OCRL: variants seen among roughly 807,000 people sequenced by gnomAD.
OCRL encodes OCRL inositol polyphosphate-5-phosphatase.
A neutral mutation model predicts 78.9 loss-of-function variants in OCRL; 8 were observed. The ratio of observed to expected loss-of-function variants is 0.10; its 90% CI spans 0.06 to 0.18. OCRL has a LOEUF of 0.18. Ranked by LOEUF, OCRL falls within the 10% of genes least tolerant of loss-of-function variation. OCRL has a pLI of 1.00. For synonymous variants in OCRL, 240 were observed against 235.4 expected (o/e 1.02, Z -0.18); for missense variants, 454 against 696.7 (o/e 0.65, Z 3.92).
intron 13 of OCRL, among the ~76,000 whole-genome samples, chrX:129,566,590 A>G (rs1936219729): frequency 8.9e-6 from 1 of 112,396 alleles, no homozygotes; most frequent in African/African-American, 3.2e-5. Flanking sequence ...TTATTGAGGG[A>G]GGAAAATGTT....
chrX:129,547,512 A>C (rs753823097), intron 3 of OCRL, among the ~76,000 whole-genome samples: 4 of 97,228 alleles, frequency 4.1e-5, no homozygotes, highest in Non-Finnish European at 6.1e-5. Flanking sequence ...GTGACAGAGC[A>C]AGACTCCGTC....
chrX:129,552,032 A>G (rs867614021), intron 4 of OCRL, among the ~76,000 whole-genome samples: 2 of 111,993 alleles, frequency 1.8e-5, no homozygotes, highest in African/African-American at 6.5e-5. Flanking sequence ...GCTAGGGGGC[A>G]GATCTGGCAG....
chrX:129,582,854 G>A (rs770295206), intron 18 of OCRL, among the ~76,000 whole-genome samples: 63 of 111,615 alleles, frequency 5.6e-4, no homozygotes, highest in Non-Finnish European at 1.0e-3. Context: ...GGAATGCCAG[G>A]GAGCACATAC....
Position 129,590,185 on chromosome X carries a change from A to G in OCRL, c.2621A>G (p.Asn874Ser). The G allele has an allele frequency of 2.5e-6, 3 of 1,210,496 alleles. No homozygotes were observed. The highest frequency in any genetic ancestry group is 3.5e-5 in the South Asian group (2 of 56,920). The change falls in exon 24 of 24, where the codon AAC becomes AGC. Residue 874 changes from asparagine to serine, a missense_variant. By Grantham distance (46) the Asn-to-Ser change is conservative (BLOSUM62 1). Around this residue, in one of 2 missense-constraint regions of OCRL, gnomAD observed 277 missense variants for 517.1 expected, o/e 0.54. Transcript: ENST00000371113. Reference protein sequence around the residue: ...FTSLLLRPPPNLMARQTPSDR... With the variant: ...FTSLLLRPPPSLMARQTPSDR... Reference sequence around the variant, plus strand: ...AGTCTTCTCCTGAGGCCTCCACCCAACCTTATGGCAAGACAGACTCCAAGT... The same window carrying G: ...AGTCTTCTCCTGAGGCCTCCACCCAGCCTTATGGCAAGACAGACTCCAAGT...
Position 129,567,286 on chromosome X carries a change from T to C in OCRL, c.1389T>C (p.Phe463=). 1 of 1,209,394 alleles carries C rather than the reference T, an allele frequency of 8.3e-7. No homozygotes were observed. Among genetic ancestry groups the C allele is most frequent in the South Asian group, 1.8e-5 (1 of 56,909 alleles). ...TTCAGCGCACACAGAAAAAAGCTTT[T>C]GTTGACTTCAATGAAGGGGAAATCA... The part of the protein sequence containing the change: ...LNIQRTQKKA[F]VDFNEGEIKF... Residue 463 remains phenylalanine, a synonymous_variant, in exon 14 of 24, where the codon TTT becomes TTC. Transcript: ENST00000371113.
chrX:129,559,445 C>T (rs781425517), intron 8 of OCRL, among the ~76,000 whole-genome samples: 1 of 111,909 alleles, frequency 8.9e-6, no homozygotes, highest in South Asian at 3.7e-4. Context: ...GCAATCCACC[C>T]GCCTTGGCCT....
chrX:129,567,673 T>C (rs1936235272), intron 14 of OCRL, among the ~76,000 whole-genome samples: 1 of 111,108 alleles, frequency 9.0e-6, no homozygotes, highest in East Asian at 2.8e-4. Context: ...GATTTTGCCT[T>C]TGTTTCTTAC....
intron 2 of OCRL, among the ~76,000 whole-genome samples, chrX:129,541,497 G>A (rs1319714518): frequency 3.6e-5 from 4 of 112,007 alleles, no homozygotes; most frequent in African/African-American, 6.5e-5. Flanking sequence ...TAGGAGCTCC[G>A]TAAATACTGT....
chrX:129,585,147 T>G (rs1490057166), intron 19 of OCRL, among the ~76,000 whole-genome samples: 2 of 112,800 alleles, frequency 1.8e-5, no homozygotes, highest in Non-Finnish European at 3.7e-5. Context: ...TTTGTGAAAT[T>G]ATTCAAGTAT....
At chrX:129,558,485 C>T (rs891343735) in intron 6 of OCRL, 148 bp from the exon 7 acceptor site, 2 of 649,789 alleles carry the variant, frequency 3.1e-6, no homozygotes, top group African/African-American at 4.4e-5. Context: ...CTTCTTCGAA[C>T]TCCAATCCAA....
intron 20 of OCRL, 132 bp downstream of exon 20, chrX:129,587,250 CTGGG>C (rs1936525138): frequency 3.8e-6 from 2 of 527,490 alleles, no homozygotes; most frequent in East Asian, 3.4e-5. Context: ...GTCAGATCGA[CTGGG>C]TGGGTGGAAG....
chrX:129,589,545 G>A (rs969361795), intron 22 of OCRL: 16 of 345,479 alleles, frequency 4.6e-5, no homozygotes, highest in African/African-American at 2.1e-4. Context: ...ACATGCCTAC[G>A]GAAATGGGAA....
rs753323908 is a variant in OCRL, at chrX:129,567,494, C to T, written c.1466+131C>T. 5.3e-4 allele frequency: 256 copies of T among 485,235 alleles called. 1 individual carries two copies. Among genetic ancestry groups the T allele is most frequent in the African/African-American group, 2.3e-3 (96 of 41,621 alleles). 40.0% of individuals were successfully genotyped at this position (485,235 alleles called of 1,213,427 possible). A position where few individuals can be genotyped will look rare whatever the true frequency, so the allele number is the denominator to read the frequency against. On this transcript the variant is annotated intron_variant, in intron 14 of 23. Coordinates refer to ENST00000371113, the MANE Select transcript of OCRL (RefSeq NM_000276.4). ...GATATATAAACCTAATGGCTCAGTG[C>T]CTCAGTGCTATTATAGAACAATAAG...
chrX:129,581,125 A>G (rs1936434009), intron 18 of OCRL, among the ~76,000 whole-genome samples: 1 of 112,629 alleles, frequency 8.9e-6, no homozygotes, highest in South Asian at 3.6e-4. Flanking sequence ...TCAGCTTCCC[A>G]AGGTGCTGGG....
At chrX:129,558,588 T>C in intron 6 of OCRL, 45 bp from the exon 7 acceptor site, 1 of 1,202,351 alleles carries the variant, frequency 8.3e-7, no homozygotes, top group Non-Finnish European at 1.1e-6. Flanking sequence ...ATATGTTGGA[T>C]GTTAGATTTT....
intron 18 of OCRL, among the ~76,000 whole-genome samples, chrX:129,583,112 C>G (rs1470765037): frequency 1.8e-5 from 2 of 111,759 alleles, no homozygotes; most frequent in African/African-American, 6.5e-5. Context: ...GTAAATATTA[C>G]TATCCCTATT....
Position 129,589,015 on chromosome X carries a change from T to G in OCRL, c.2469+2T>G. On this transcript the variant is annotated splice_donor_variant, in intron 22 of 23. Transcript: ENST00000371113. LOFTEE classifies it high-confidence loss of function. ...TATGATCCCCGGATCTGCCGACAGG[T>G]GGGTTCTACTGACCTGGGGATGTGT... The G allele has an allele frequency of 8.3e-7, 1 of 1,211,261 alleles. No individual in the cohort carries two copies. The highest frequency in any genetic ancestry group is 1.1e-6 in the Non-Finnish European group (1 of 895,257).
intron 20 of OCRL, 78 bp downstream of exon 20, chrX:129,587,196 A>T: frequency 1.5e-6 from 1 of 659,260 alleles, no homozygotes; most frequent in Non-Finnish European, 2.5e-6. Context: ...TCACGTCAGC[A>T]TAGCGCTTTT....
chrX:129,583,031 G>A (rs1421227383), intron 18 of OCRL, among the ~76,000 whole-genome samples: 2 of 111,905 alleles, frequency 1.8e-5, no homozygotes, highest in Non-Finnish European at 3.8e-5. Flanking sequence ...GGAGGTATGA[G>A]GAACTTTGAG....
Sources: gnomAD v4.1 joint callset for allele counts (sites outside exome capture counted in the v4.1 genomes callset) on GRCh38, gnomAD v4.1.1 for gene constraint, gnomAD v4.1.1 regional missense constraint, MANE v1.5 for transcripts, NCBI Gene and HGNC (gene_info 2026-07-23, HGNC 2026-07-21) for gene names.